Variants in MYO1A observed in about 807,000 individuals in gnomAD.
MYO1A encodes the protein myosin IA.
Under a neutral mutation model 138.5 loss-of-function variants are expected in MYO1A, and 127 were observed. The observed-to-expected ratio is 0.92, with a 90% CI of 0.79 to 1.06. The LOEUF (loss-of-function observed/expected upper bound fraction) is 1.06. Among genes scored for constraint, MYO1A ranks in the 50% least tolerant of loss-of-function variants. The pLI is 0.00. For missense variants in MYO1A, 1,211 were observed against 1,288.8 expected (o/e 0.94, Z 0.92); for synonymous variants, 477 against 497.5 (o/e 0.96, Z 0.55).
intron 22 of MYO1A, among the ~76,000 whole-genome samples, chr12:57,033,016 T>C (rs1177097110): frequency 1.3e-5 from 2 of 152,162 alleles, no homozygotes; most frequent in African/African-American, 4.8e-5. Flanking sequence ...TGTGTGCATA[T>C]AAATACATGC....
rs1226029220 is a variant in MYO1A at position 57,044,174 on chromosome 12, C to T, written c.676G>A (p.Ala226Thr). ...LKLERDTTGY[A>T]YLNHEVSRVD... The stretch of plus-strand genomic sequence containing the variant: ...CTGGATACTTCATGATTCAGATAGG[C>T]ATAGCCAGTTGTATCCCGCTCAAGC... The change falls in exon 9 of 28, where the codon GCC becomes ACC. Residue 226 changes from alanine to threonine, a missense_variant. Ala to Thr is a moderately conservative substitution (Grantham distance 58, BLOSUM62 0). Transcript: ENST00000300119. 1.2e-6 allele frequency: 2 copies of T among 1,614,160 alleles called. No homozygotes were observed. The highest frequency in any genetic ancestry group is 3.3e-5 in the Admixed American group (2 of 60,028).
Position 57,028,540 on chromosome 12 carries a change from T to G in MYO1A, c.*215A>C. ...ACTGAACCTTTCCAAGCCACATGTT[T>G]TATTAGTGTGCAGAGAGGCTGCGGG... On this transcript the variant is annotated 3_prime_UTR_variant, in exon 28 of 28. Transcript: ENST00000300119. 1.7e-6 allele frequency: 1 copy of G among 575,478 alleles called. No homozygotes were observed. The highest frequency in any genetic ancestry group is 2.3e-5 in the South Asian group (1 of 43,218). The allele number at this position is 575,478 out of a possible 1,614,324, so 35.6% of individuals were successfully genotyped here. A position where few individuals can be genotyped will look rare whatever the true frequency, so the allele number is the denominator to read the frequency against.
intron 14 of MYO1A, chr12:57,039,555 T>A: frequency 2.2e-6 from 1 of 458,618 alleles, no homozygotes; most frequent in South Asian, 2.0e-5. Flanking sequence ...GAGGGAAGTG[T>A]AACATGTTGA....
At chr12:57,039,148 CAG>C (rs1413752599) in intron 15 of MYO1A, 62 bp downstream of exon 15, 8 of 1,576,028 alleles carry the variant, frequency 5.1e-6, no homozygotes, top group Admixed American at 3.3e-5. Context: ...GGGAGAGAGA[CAG>C]GGGAAGGATG....
At chr12:57,035,021 A>G (rs1286312279) in intron 22 of MYO1A, among the ~76,000 whole-genome samples, 1 of 152,200 alleles carries the variant, frequency 6.6e-6, no homozygotes, top group African/African-American at 2.4e-5. Context: ...GGATACTAGC[A>G]TTAGTTACAG....
Position 57,037,107 on chromosome 12 carries a change from A to T in MYO1A, c.2056-16T>A, listed in dbSNP as rs757545570. 2.0e-5 allele frequency: 33 copies of T among 1,613,744 alleles called. No homozygotes were observed. In the East Asian group the frequency reaches 7.1e-4, roughly 35 times the overall value. On this transcript the variant is annotated splice_polypyrimidine_tract_variant and intron_variant, in intron 19 of 27. Coordinates refer to ENST00000300119, the MANE Select transcript of MYO1A (RefSeq NM_005379.4). ...GGTAGAAAAGCTGTGGAGAGGTGGA[A>T]GGGGGTGACAGAGAGACTGGCTCAG... is the stretch of plus-strand genomic sequence containing the variant.
At position 57,038,071 on chromosome 12, in the gene MYO1A, T is replaced by C. The variant is rs1298705879; in HGVS notation, c.1761-2A>G. On this transcript the variant is annotated splice_acceptor_variant, in intron 17 of 27. Transcript: ENST00000300119. LOFTEE classifies it high-confidence loss of function. ...TGATGCTCATTGGGCTTTATGCACC[T>C]GGTGGGAGGTGGGGTAAGGCACAGC... 6.2e-7 allele frequency: 1 copy of C among 1,613,788 alleles called. No individual in the cohort carries two copies. The highest frequency in any genetic ancestry group is 1.7e-5 in the Admixed American group (1 of 60,036).
rs1263862652 is a variant in MYO1A, at chr12:57,028,789, T to C, written c.3098A>G (p.Lys1033Arg). The stretch of plus-strand genomic sequence containing the variant: ...AGTCACCTCCAAGCAATGACTCCCC[T>C]TTTTTTTGTAGCGTAGCTTGCTGTT... Reference protein sequence around the residue: ...GDNSKLRYKKKGSHCLEVTVQ With the variant: ...GDNSKLRYKKRGSHCLEVTVQ Residue 1033 changes from lysine to arginine, a missense_variant, in exon 28 of 28, where the codon AAG (lysine) becomes AGG (arginine). Lys to Arg is a conservative substitution (Grantham distance 26). Transcript: ENST00000300119. 2 of 1,612,578 alleles carry C rather than the reference T, an allele frequency of 1.2e-6. No individual in the cohort carries two copies. The highest frequency in any genetic ancestry group is 1.7e-6 in the Non-Finnish European group (2 of 1,179,192).
At chr12:57,042,118 T>C (rs2030885622) in intron 12 of MYO1A, among the ~76,000 whole-genome samples, 1 of 152,172 alleles carries the variant, frequency 6.6e-6, no homozygotes, top group African/African-American at 2.4e-5. Context: ...AGAAATCCTA[T>C]ACCCATTATT....
At chr12:57,050,848 G>C (rs1164691351), upstream of MYO1A, 1 of 152,194 alleles carries the variant, frequency 6.6e-6, no homozygotes, top group Non-Finnish European at 1.5e-5. Context: ...ACCAGACTCA[G>C]AGAGGTTACA....
chr12:57,044,298 G>T (rs1034067797), intron 8 of MYO1A, 89 bp from the exon 9 acceptor site: 40 of 1,008,636 alleles, frequency 4.0e-5, no homozygotes, highest in Non-Finnish European at 5.6e-5. Context: ...TGCCCTAATG[G>T]ATTCATTCAC....
chr12:57,029,248 C>T lies in MYO1A; in HGVS notation c.2889G>A (p.Val963=), dbSNP rs138907770. Reference sequence around the variant, plus strand: ...CCAGCAGGAAGTCCCCCTTGGAGCCCACCGATGACATCTTAGGAAGAGGGA... The same window carrying T: ...CCAGCAGGAAGTCCCCCTTGGAGCCTACCGATGACATCTTAGGAAGAGGGA... ...FSLHLSEMSS[V]GSKGDFLLVS... The change falls in exon 27 of 28, where the codon GTG becomes GTA. Residue 963 remains valine, a synonymous_variant. Transcript: ENST00000300119. 9.3e-6 allele frequency: 15 copies of T among 1,614,072 alleles called. No individual in the cohort carries two copies. In the Middle Eastern group the frequency reaches 6.6e-4, roughly 71 times the overall value.
intron 26 of MYO1A, 87 bp from the exon 27 acceptor site, chr12:57,029,346 G>T: frequency 1.2e-6 from 2 of 1,612,152 alleles, no homozygotes; most frequent in South Asian, 1.1e-5. Flanking sequence ...AGAGCGAAAG[G>T]TCTGGTCCCC....
chr12:57,049,664 T>C (rs2031271027), intron 1 of MYO1A, among the ~76,000 whole-genome samples: 1 of 152,240 alleles, frequency 6.6e-6, no homozygotes, highest in African/African-American at 2.4e-5. Flanking sequence ...ATACTATTTT[T>C]GTATTTTCTA....
intron 1 of MYO1A, among the ~76,000 whole-genome samples, chr12:57,049,252 C>T (rs941499886): frequency 2.0e-5 from 3 of 152,216 alleles, no homozygotes; most frequent in Admixed American, 1.3e-4. Context: ...AGGAGGAAAC[C>T]TGGCCCTCCT....
At chr12:57,037,786 GCACTGCACCTCCAGGTCTCTTC>G (rs1414501797) in intron 18 of MYO1A, 61 bp downstream of exon 18, 66 of 1,516,898 alleles carry the variant, frequency 4.4e-5, no homozygotes, top group Non-Finnish European at 5.5e-5. Context: ...CAGCAGATGT[GCACTGCACCTCCAGGTCTCTTC>G]CCCCAGAGAT....
chr12:57,036,313 C>T lies in MYO1A; in HGVS notation c.2343G>A (p.Lys781=), dbSNP rs754281865. The change falls in exon 22 of 28, where the codon AAG becomes AAA. Residue 781 remains lysine (K), a synonymous_variant. Coordinates refer to ENST00000300119, the MANE Select transcript of MYO1A (RefSeq NM_005379.4). ...AALTLADFIY[K]SMVQKFLLGL... is the part of the protein sequence containing the mutation. ...CCTAACCCCTACCACTTACCATGCT[C>T]TTGTAGATGAAATCTGCCAAGGTGA... 9.9e-6 allele frequency: 16 copies of T among 1,613,582 alleles called. No homozygotes were observed. In the Admixed American group the frequency reaches 1.8e-4, roughly 18 times the overall value.
intron 1 of MYO1A, 28 bp from the exon 2 acceptor site, chr12:57,048,371 T>C: frequency 7.3e-7 from 1 of 1,370,328 alleles, no homozygotes. Flanking sequence ...AGTTTGCTGA[T>C]GTCCACTCAG....
chr12:57,037,533 C>T lies in MYO1A; in HGVS notation c.2055+15G>A. ...CTTCTACCCTCACCAAATGCTAATGCACTCTCTAACTCACAGTCTTGGGGC... is the reference window on the plus strand; with the variant it reads ...CTTCTACCCTCACCAAATGCTAATGTACTCTCTAACTCACAGTCTTGGGGC... On this transcript the variant is annotated intron_variant, in intron 19 of 27. Transcript: ENST00000300119. 3.1e-6 allele frequency: 5 copies of T among 1,611,708 alleles called. 1 individual carries two copies. The South Asian group carries it at 4.4e-5, about 14-fold the overall frequency.
Sources: allele counts gnomAD v4.1 joint callset (sites outside exome capture counted in the v4.1 genomes callset), GRCh38; gene constraint gnomAD v4.1.1; transcripts MANE v1.5; gene names NCBI Gene and HGNC (gene_info 2026-07-23, HGNC 2026-07-21).